Variants in CUL5 observed in about 807,000 individuals in gnomAD.
CUL5 encodes the protein cullin 5.
Under a neutral mutation model 108.8 loss-of-function variants are expected in CUL5, and 26 were observed. The ratio of observed to expected loss-of-function variants is 0.24; its 90% CI spans 0.18 to 0.33. CUL5 has a LOEUF of 0.33. Ranked by LOEUF, CUL5 falls within the 10% of genes least tolerant of loss-of-function variation. CUL5 has a pLI of 1.00. For missense variants in CUL5, 524 were observed against 909.2 expected, an observed-to-expected ratio of 0.58 and a Z score of 5.45; for synonymous variants, 334 against 298.0, an observed-to-expected ratio of 1.12 and a Z score of -1.25.
At chr11:108,084,392 C>G (rs1202964275) in intron 11 of CUL5, among the ~76,000 whole-genome samples, 3 of 152,138 alleles carry the variant, frequency 2.0e-5, no homozygotes, top group African/African-American at 7.2e-5. Flanking sequence ...CTAGGCTAAG[C>G]AATACTGCTG....
At chr11:108,023,976 GT>G (rs766103624) in intron 1 of CUL5, among the ~76,000 whole-genome samples, 8 of 152,164 alleles carry the variant, frequency 5.3e-5, no homozygotes, top group Non-Finnish European at 8.8e-5. Flanking sequence ...ACGTAGTGAT[GT>G]TTCCGCCGTA....
intron 7 of CUL5, among the ~76,000 whole-genome samples, chr11:108,056,291 A>G (rs1406270760): frequency 6.6e-6 from 1 of 152,174 alleles, no homozygotes; most frequent in Non-Finnish European, 1.5e-5. Context: ...CAGGAATAAC[A>G]TTCTAGCTTG....
At chr11:108,099,542 A>G (rs539651833) in intron 18 of CUL5, among the ~76,000 whole-genome samples, 3 of 152,230 alleles carry the variant, frequency 2.0e-5, no homozygotes, top group African/African-American at 7.2e-5. Context: ...TCAGAAGGAG[A>G]GTTGAATAAA....
intron 2 of CUL5, among the ~76,000 whole-genome samples, chr11:108,037,576 C>T (rs1345420733): frequency 6.6e-6 from 1 of 152,186 alleles, no homozygotes; most frequent in South Asian, 2.1e-4. Flanking sequence ...CAAATGTCTT[C>T]TCGCAGAGGA....
chr11:108,073,330 T>A, intron 9 of CUL5, 60 bp from the exon 10 acceptor site: 2 of 748,510 alleles, frequency 2.7e-6, no homozygotes, highest in Non-Finnish European at 4.3e-6. Flanking sequence ...GTTTATTTTC[T>A]CATTTTTTTG....
In CUL5 at chr11:108,052,566, C is replaced by T. The variant is rs1863259536; in HGVS notation, c.412-94C>T. 2.5e-6 allele frequency: 3 copies of T among 1,184,148 alleles called. No individual in the cohort carries two copies. The East Asian group carries it at 7.5e-5, about 29-fold the overall frequency. 73.4% of individuals were successfully genotyped at this position (1,184,148 alleles called of 1,614,324 possible). A position where few individuals can be genotyped will look rare whatever the true frequency, so the allele number is the denominator to read the frequency against. On this transcript the variant is annotated intron_variant, in intron 4 of 18. Transcript: ENST00000393094. ...CGTGAGCCACTGCACCTGGCCCAGGCCTACAAATTTGATTTCCTTTTTTGG... is the reference window on the plus strand; with the variant it reads ...CGTGAGCCACTGCACCTGGCCCAGGTCTACAAATTTGATTTCCTTTTTTGG...
intron 7 of CUL5, among the ~76,000 whole-genome samples, chr11:108,066,122 C>T (rs1328934508): frequency 1.3e-5 from 2 of 152,260 alleles, no homozygotes; most frequent in East Asian, 3.9e-4. Flanking sequence ...AGGCAGATCA[C>T]AAGGTCAGGA....
chr11:108,072,515 A>G, intron 9 of CUL5, 53 bp downstream of exon 9: 1 of 1,483,192 alleles, frequency 6.7e-7, no homozygotes, highest in Non-Finnish European at 9.2e-7. Flanking sequence ...TATTTTTTAA[A>G]TGTAGGATTA....
At chr11:108,098,338 A>G in intron 17 of CUL5, 68 bp from the exon 18 acceptor site, 5 of 1,364,072 alleles carry the variant, frequency 3.7e-6, no homozygotes, top group Non-Finnish European at 5.0e-6. Flanking sequence ...TCTCTCAGAC[A>G]TTGTTGCTAT....
At position 108,034,897 on chromosome 11, in the gene CUL5, C is replaced by T. The variant is rs1862692608; in HGVS notation, c.134+986C>T. Among the ~76,000 whole-genome samples the T allele has an allele frequency of 2.0e-5, 3 of 152,152 alleles. No individual in the cohort carries two copies. In the South Asian group the frequency reaches 6.2e-4, roughly 32 times the overall value. On this transcript the variant is annotated intron_variant, in intron 2 of 18. Coordinates refer to ENST00000393094, the MANE Select transcript of CUL5 (RefSeq NM_003478.6). ...ATTTAGGAATTGGTCAGGATGAAAT[C>T]CTGAATTTTTAAAACTTTTCAAAAT...
intron 14 of CUL5, 147 bp from the exon 15 acceptor site, chr11:108,094,665 A>T (rs1864445142): frequency 2.5e-6 from 2 of 813,812 alleles, no homozygotes; most frequent in Non-Finnish European, 3.7e-6. Context: ...AGTGTGTTAG[A>T]TTTACAGATC....
chr11:108,049,468 AG>A (rs1863155809), intron 3 of CUL5, among the ~76,000 whole-genome samples: 1 of 151,506 alleles, frequency 6.6e-6, no homozygotes, highest in Admixed American at 6.6e-5. Context: ...CAACCTCCTA[AG>A]TAGCTGGGAC....
At chr11:108,027,404 C>T (rs554714235) in intron 1 of CUL5, among the ~76,000 whole-genome samples, 8 of 151,974 alleles carry the variant, frequency 5.3e-5, no homozygotes, top group South Asian at 2.1e-4. Context: ...CCTGAGTAGC[C>T]GGGATTACTG....
rs1275971686 is a variant in CUL5 at position 108,054,948 on chromosome 11, T to C, written c.773T>C (p.Val258Ala). 6.3e-7 allele frequency: 1 copy of C among 1,596,898 alleles called. No individual in the cohort carries two copies. The highest frequency in any genetic ancestry group is 1.3e-5 in the African/African-American group (1 of 74,352). The change falls in exon 7 of 19, where the codon GTT (valine) becomes GCT (alanine). Residue 258 changes from valine (V) to alanine (A), a missense_variant. Val to Ala is a moderately conservative substitution (Grantham distance 64). Around this residue, in one of 8 missense-constraint regions of CUL5, gnomAD observed 170 missense variants for 305.1 expected, o/e 0.56. Coordinates refer to ENST00000393094, the MANE Select transcript of CUL5 (RefSeq NM_003478.6). The stretch of plus-strand genomic sequence containing the variant: ...GAAACAAGACGAGAATGTAACTCCG[T>C]TGAAGCAGTAAGTAATTTTGTAATT... ...YLETRRECNSVEALMECCVNA... is the reference protein window; with the variant it reads ...YLETRRECNSAEALMECCVNA...
intron 1 of CUL5, among the ~76,000 whole-genome samples, chr11:108,012,877 GT>G (rs1862088968): frequency 6.6e-6 from 1 of 152,134 alleles, no homozygotes; most frequent in Non-Finnish European, 1.5e-5. Context: ...GATTACAGGC[GT>G]GAGCCACTGC....
chr11:108,094,683 C>G, intron 14 of CUL5, 129 bp from the exon 15 acceptor site: 2 of 871,916 alleles, frequency 2.3e-6, no homozygotes, highest in Non-Finnish European at 1.7e-6. Context: ...ATCTTTATTT[C>G]AAAACAAAAG....
At chr11:108,103,095 A>C (rs1201812410) in intron 18 of CUL5, among the ~76,000 whole-genome samples, 1 of 152,232 alleles carries the variant, frequency 6.6e-6, no homozygotes, top group African/African-American at 2.4e-5. Flanking sequence ...CACACCCGGC[A>C]TATACATGCC....
intron 8 of CUL5, 126 bp from the exon 9 acceptor site, chr11:108,072,206 C>A (rs537934869): frequency 1.4e-6 from 1 of 726,956 alleles, no homozygotes; most frequent in Non-Finnish European, 2.0e-6. Flanking sequence ...AACAAAAAAA[C>A]GAACAACTAC....
At chr11:108,077,394 C>T (rs1863965810) in intron 10 of CUL5, among the ~76,000 whole-genome samples, 1 of 151,924 alleles carries the variant, frequency 6.6e-6, no homozygotes, top group African/African-American at 2.4e-5. Flanking sequence ...CGCCTGTAAT[C>T]CAGCACTTTG....
Sources: gnomAD v4.1 joint callset for allele counts (sites outside exome capture counted in the v4.1 genomes callset) on GRCh38, gnomAD v4.1.1 for gene constraint, gnomAD v4.1.1 regional missense constraint, MANE v1.5 for transcripts, NCBI Gene and HGNC (gene_info 2026-07-23, HGNC 2026-07-21) for gene names.